The following DNAH17 variants were observed in gnomAD, a reference collection of about 807,000 sequenced individuals.
DNAH17 encodes axonemal beta dynein heavy chain 17.
DNAH17 carries 376 observed loss-of-function variants against 485.6 expected under a neutral mutation model. The ratio of observed to expected loss-of-function variants is 0.77; its 90% confidence interval spans 0.71 to 0.84. The LOEUF (loss-of-function observed/expected upper bound fraction) is 0.84, where lower values mean the gene tolerates loss of function less well. Ranked by LOEUF, DNAH17 falls within the 40% of genes least tolerant of loss-of-function variation. The probability of loss-of-function intolerance (pLI) is 0.00; values close to 1 mark genes in which losing one functional copy is unlikely to be tolerated. For missense variants in DNAH17, 6,370 were observed against 5,839.3 expected (o/e 1.09, Z -2.96); for synonymous variants, 3,031 against 2,405.9 (o/e 1.26, Z -7.60).
intron 69 of DNAH17, among the ~76,000 whole-genome samples, chr17:78,446,173 C>CTAAAAAAAAA (rs1491135647): frequency 1.7e-5 from 1 of 57,392 alleles, no homozygotes. Context: ...GACTCTGTCT[C>CTAAAAAAAAA]AAAAAAAAAA....
intron 63 of DNAH17, 62 bp downstream of exon 63, chr17:78,455,582 C>T: frequency 7.4e-7 from 1 of 1,346,024 alleles, no homozygotes; most frequent in Non-Finnish European, 9.9e-7. Context: ...CCGCCTCGGC[C>T]TCCCAAAGTG....
chr17:78,434,328 G>T (rs2086790886), intron 74 of DNAH17, 108 bp from the exon 75 acceptor site: 4 of 1,000,862 alleles, frequency 4.0e-6, no homozygotes, highest in South Asian at 1.7e-5. Context: ...TTGCTAGGGT[G>T]GGGGCGGTGG....
chr17:78,552,512 CTTTTTTT>C (rs35637364), intron 15 of DNAH17, among the ~76,000 whole-genome samples, 178 bp downstream of exon 15: 2 of 132,418 alleles, frequency 1.5e-5, no homozygotes, highest in East Asian at 4.6e-4. Flanking sequence ...CACAGATGGG[CTTTTTTT>C]TTTTTTTTTT....
chr17:78,503,781 C>T (rs1041941549), intron 31 of DNAH17, among the ~76,000 whole-genome samples: 3 of 152,008 alleles, frequency 2.0e-5, no homozygotes, highest in Non-Finnish European at 4.4e-5. Flanking sequence ...GCCTGGCCAA[C>T]ATGGTGAAAA....
chr17:78,499,548 CAGA>C (rs2090198199), intron 36 of DNAH17: 1 of 152,524 alleles, frequency 6.6e-6, no homozygotes, highest in Admixed American at 6.6e-5. Flanking sequence ...CTGGGCCAAT[CAGA>C]AGGACTCGTC....
intron 20 of DNAH17, 132 bp from the exon 21 acceptor site, chr17:78,530,644 T>C (rs878901081): frequency 7.4e-6 from 8 of 1,088,160 alleles, no homozygotes; most frequent in African/African-American, 1.6e-5. Flanking sequence ...GGGGCCAGGG[T>C]CAGCAAAGGG....
chr17:78,490,483 T>G (rs1005063400), intron 44 of DNAH17, among the ~76,000 whole-genome samples: 4 of 152,214 alleles, frequency 2.6e-5, no homozygotes, highest in Admixed American at 2.6e-4. Flanking sequence ...TGTGCAAACA[T>G]CCGTTTGCTC....
In DNAH17 at chr17:78,458,974, C is replaced by T. The variant is rs767004642; in HGVS notation, c.9861+27G>A. 9.3e-6 allele frequency: 15 copies of T among 1,612,552 alleles called. No individual in the cohort carries two copies. In the South Asian group the frequency reaches 1.6e-4, roughly 18 times the overall value. On this transcript the variant is annotated intron_variant, in intron 61 of 80. Coordinates refer to ENST00000389840, the MANE Select transcript of DNAH17 (RefSeq NM_173628.4). ...GCGAGCAAGCGGCTCTGGTGTTTCG[C>T]AGGGACGGGAGCGAGCCGGCACTTA...
intron 65 of DNAH17, 145 bp downstream of exon 65, chr17:78,453,198 C>T (rs868677448): frequency 9.2e-7 from 1 of 1,090,186 alleles, no homozygotes; most frequent in Middle Eastern, 2.2e-4. Flanking sequence ...GGGGTTCCTT[C>T]CCACCAGCAG....
chr17:78,472,777 C>T lies in DNAH17; in HGVS notation c.8511+2501G>A, dbSNP rs537308372. The T allele has an allele frequency of 2.4e-5, 11 of 454,498 alleles. No homozygotes were observed. In the East Asian group the frequency reaches 2.8e-4, roughly 12 times the overall value. The allele number at this position is 454,498 out of a possible 1,614,324, so 28.2% of individuals were successfully genotyped here. A position where few individuals can be genotyped will look rare whatever the true frequency, so the allele number is the denominator to read the frequency against. On this transcript the variant is annotated intron_variant, in intron 54 of 80. Coordinates refer to ENST00000389840, the MANE Select transcript of DNAH17 (RefSeq NM_173628.4). ...CTCCCCCTCCGTTCTCCCTTCTCGT[C>T]GCACCTGCCCACTTTCAGCCTTTGT...
chr17:78,500,531 C>G (rs965483256), intron 35 of DNAH17, 70 bp from the exon 36 acceptor site: 2 of 1,436,088 alleles, frequency 1.4e-6, no homozygotes, highest in African/African-American at 2.9e-5. Context: ...TTTTTTGAGA[C>G]AGAGTCTCAC....
At chr17:78,458,023 C>T (rs550253306) in intron 62 of DNAH17, among the ~76,000 whole-genome samples, 27 of 152,268 alleles carry the variant, frequency 1.8e-4, no homozygotes, top group African/African-American at 5.8e-4. Flanking sequence ...AGGCTGGTCT[C>T]GAACTCCTGA....
intron 30 of DNAH17, 119 bp downstream of exon 30, chr17:78,506,601 A>T: frequency 6.9e-7 from 1 of 1,446,948 alleles, no homozygotes; most frequent in East Asian, 2.4e-5. Flanking sequence ...GGCCTCCTGG[A>T]GATGATGGGG....
At chr17:78,431,410 G>T (rs1040294689) in intron 75 of DNAH17, among the ~76,000 whole-genome samples, 2 of 151,478 alleles carry the variant, frequency 1.3e-5, no homozygotes, top group Admixed American at 6.6e-5. Flanking sequence ...AGGGGGTGGG[G>T]GTGAGTGCTG....
At chr17:78,446,928 G>A (rs566526401) in intron 69 of DNAH17, among the ~76,000 whole-genome samples, 1 of 152,318 alleles carries the variant, frequency 6.6e-6, no homozygotes, top group South Asian at 2.1e-4. Context: ...ACAGGTGAGA[G>A]CCACTGTGCC....
At chr17:78,491,292 C>G (rs1430437687) in intron 43 of DNAH17, 151 bp downstream of exon 43, 4 of 1,144,908 alleles carry the variant, frequency 3.5e-6, no homozygotes, top group East Asian at 5.2e-5. Flanking sequence ...GACAAGGTGC[C>G]CCTCACTCAT....
At chr17:78,575,945 T>A (rs147290259) in intron 1 of DNAH17, among the ~76,000 whole-genome samples, 68 of 152,334 alleles carry the variant, frequency 4.5e-4, no homozygotes, top group African/African-American at 1.6e-3. Flanking sequence ...GTGGGGGCCT[T>A]GGAGGCGAGT....
rs768142370 is a variant in DNAH17 at position 78,463,006 on chromosome 17, T to C, written c.9012A>G (p.Val3004=). The C allele has an allele frequency of 1.9e-6, 3 of 1,614,006 alleles. No individual in the cohort carries two copies. The South Asian group carries it at 3.3e-5, about 18-fold the overall frequency. Reference sequence around the variant, plus strand: ...TGTAGCGCCTCTCAGTAGCCAGGTATACCCTGGACATCTCGTTGACGGTGG... The same window carrying C: ...TGTAGCGCCTCTCAGTAGCCAGGTACACCCTGGACATCTCGTTGACGGTGG... The part of the protein sequence containing the change: ...VHTTVNEMSR[V]YLATERRYNY... Residue 3004 remains valine (V), a synonymous_variant, in exon 57 of 81, where the codon GTA becomes GTG. Coordinates refer to ENST00000389840, the MANE Select transcript of DNAH17 (RefSeq NM_173628.4).
In DNAH17 at chr17:78,425,376, C is replaced by T. The variant is rs749816132; in HGVS notation, c.13111G>A (p.Gly4371Ser). 18 of 1,613,892 alleles carry T rather than the reference C, an allele frequency of 1.1e-5. No homozygotes were observed. The highest frequency in any genetic ancestry group is 1.4e-5 in the Non-Finnish European group (17 of 1,179,894). ...REDMTAPPREGSYVYGLFMEG... is the reference protein window; with the variant it reads ...REDMTAPPRESSYVYGLFMEG... ...ATGAAGAGTCCGTACACGTAGGAGC[C>T]CTCTCGCGGAGGAGCGGTCATGTCC... Residue 4371 changes from glycine to serine, a missense_variant, in exon 80 of 81, where the codon GGC (glycine) becomes AGC (serine). Coordinates refer to ENST00000389840, the MANE Select transcript of DNAH17 (RefSeq NM_173628.4).
Sources: gnomAD v4.1 joint callset for allele counts (sites outside exome capture counted in the v4.1 genomes callset) on GRCh38, gnomAD v4.1.1 for gene constraint, MANE v1.5 for transcripts, NCBI Gene and HGNC (gene_info 2026-07-23, HGNC 2026-07-21) for gene names.